BCL2L1: variants seen among roughly 807,000 people sequenced by gnomAD.
The protein encoded by BCL2L1 is bcl-2-like protein 1.
In BCL2L1, 1 loss-of-function variant was observed where a neutral mutation model predicts 18.7. The ratio of observed to expected loss-of-function variants is 0.05; its 90% CI spans 0.02 to 0.25. The LOEUF is 0.25. Ranked by LOEUF, BCL2L1 falls within the 10% of genes least tolerant of loss-of-function variation. BCL2L1 has a pLI of 1.00. For missense variants in BCL2L1, 207 were observed against 304.9 expected (o/e 0.68, Z 2.39); for synonymous variants, 103 against 122.7 (o/e 0.84, Z 1.06).
At chr20:31,668,906 C>T (rs1240100753) in intron 2 of BCL2L1, among the ~76,000 whole-genome samples, 4 of 151,796 alleles carry the variant, frequency 2.6e-5, no homozygotes, top group African/African-American at 9.7e-5. Context: ...TGCCCAGCCA[C>T]CATTTTTTTT....
rs1568844220 is a variant in BCL2L1, at chr20:31,666,040, C to T, written c.611G>A (p.Arg204Gln). 5 of 1,614,024 alleles carry T rather than the reference C, an allele frequency of 3.1e-6. No individual in the cohort carries two copies. Among genetic ancestry groups the T allele is most frequent in the South Asian group, 1.1e-5 (1 of 91,082 alleles). Residue 204 changes from arginine to glutamine, a missense_variant, in exon 3 of 3, where the codon CGA (arginine) becomes CAA (glutamine). Transcript: ENST00000307677. ...LYGNNAAAES[R>Q]KGQERFNRWF... is the part of the protein sequence containing the mutation. ...GCGGTTGAAGCGTTCCTGGCCCTTTCGGCTCTCGGCTGCTGCATTGTTCCC... is the reference window on the plus strand; with the variant it reads ...GCGGTTGAAGCGTTCCTGGCCCTTTTGGCTCTCGGCTGCTGCATTGTTCCC...
intron 2 of BCL2L1, among the ~76,000 whole-genome samples, chr20:31,676,499 G>A (rs1439640007): frequency 2.6e-5 from 4 of 152,048 alleles, no homozygotes; most frequent in Non-Finnish European, 5.9e-5. Context: ...CTGGGATTCC[G>A]ATGCCTCCCG....
intron 2 of BCL2L1, among the ~76,000 whole-genome samples, chr20:31,687,676 CAAA>C (rs60094670): frequency 9.8e-5 from 8 of 81,486 alleles, no homozygotes; most frequent in Admixed American, 1.4e-4. Flanking sequence ...GACTCTGTCT[CAAA>C]AAAAAAAAAA....
upstream of BCL2L1, chr20:31,723,607 A>C (rs1281008579): frequency 2.1e-5 from 21 of 985,312 alleles, no homozygotes; most frequent in East Asian, 1.6e-3. Flanking sequence ...TCCTGAGAGG[A>C]GGGGCCTCGC....
chr20:31,679,289 C>A (rs2060816670), intron 2 of BCL2L1, among the ~76,000 whole-genome samples: 1 of 152,204 alleles, frequency 6.6e-6, no homozygotes, highest in Admixed American at 6.5e-5. Context: ...AAGCAACTCA[C>A]TGTCCCACTT....
intron 2 of BCL2L1, among the ~76,000 whole-genome samples, chr20:31,718,684 T>C (rs1343108421): frequency 1.3e-5 from 2 of 150,754 alleles, no homozygotes; most frequent in African/African-American, 4.9e-5. Context: ...AAAAAATTAA[T>C]AAGCAGCTCA....
Position 31,722,179 on chromosome 20 carries a change from A to C in BCL2L1, c.40T>G (p.Ser14Ala). The change falls in exon 2 of 3, where the codon TCC becomes GCC. Residue 14 changes from serine to alanine, a missense_variant. By Grantham distance (99) the Ser-to-Ala change is moderately conservative. Transcript: ENST00000307677. Reference sequence around the variant, plus strand: ...TATCCTTTCTGGGAAAGCTTGTAGGAGAGAAAGTCAACCACCAGCTCCCGG... The same window carrying C: ...TATCCTTTCTGGGAAAGCTTGTAGGCGAGAAAGTCAACCACCAGCTCCCGG... ...SNRELVVDFL[S>A]YKLSQKGYSW... is the part of the protein sequence containing the mutation. 6.7e-7 allele frequency: 1 copy of C among 1,499,370 alleles called. No homozygotes were observed. Among genetic ancestry groups the C allele is most frequent in the Non-Finnish European group, 8.8e-7 (1 of 1,131,234 alleles). 92.9% of individuals were successfully genotyped at this position (1,499,370 alleles called of 1,614,324 possible).
At chr20:31,721,597 T>C (rs1009438528) in intron 2 of BCL2L1, 58 bp downstream of exon 2, 1 of 1,515,642 alleles carries the variant, frequency 6.6e-7, no homozygotes, top group Non-Finnish European at 8.9e-7. Flanking sequence ...AGAAGGGCTG[T>C]TGGGGATCTC....
rs113274390 is a variant in BCL2L1 at position 31,678,966 on chromosome 20, C to T, written c.565-12880G>A. Among the ~76,000 whole-genome samples, 274 of 152,290 alleles carry T rather than the reference C, an allele frequency of 1.8e-3. 3 individuals are homozygous for T. The highest frequency in any genetic ancestry group is 6.4e-3 in the African/African-American group (265 of 41,556). ...AAAAACTCAGGGCTGAAGGCACCCA[C>T]GGTGTTGCATTTCCTTCTATTCTGT... On this transcript the variant is annotated intron_variant, in intron 2 of 2. Coordinates refer to ENST00000307677, the MANE Select transcript of BCL2L1 (RefSeq NM_138578.3).
chr20:31,720,197 T>C (rs1014074484), intron 2 of BCL2L1: 27 of 973,638 alleles, frequency 2.8e-5, no homozygotes, highest in African/African-American at 3.5e-5. Flanking sequence ...ACAGACGAGT[T>C]GAAATTGCAA....
At chr20:31,694,004 CAACT>C (rs1347230918) in intron 2 of BCL2L1, among the ~76,000 whole-genome samples, 1 of 151,956 alleles carries the variant, frequency 6.6e-6, no homozygotes, top group Non-Finnish European at 1.5e-5. Context: ...AGAACTGTAA[CAACT>C]AACTCAACAT....
intron 2 of BCL2L1, among the ~76,000 whole-genome samples, chr20:31,689,272 GGAGGGCAGGGGAGGGGAGGGA>G (rs2061016261): frequency 2.9e-5 from 2 of 68,668 alleles, no homozygotes; most frequent in Non-Finnish European, 5.9e-5. Flanking sequence ...AAGGGGAGGG[GGAGGGCAGGGGAGGGGAGGGA>G]AGGAAGAAAG....
intron 2 of BCL2L1, among the ~76,000 whole-genome samples, chr20:31,675,601 C>A (rs1344677158): frequency 6.6e-6 from 1 of 152,136 alleles, no homozygotes; most frequent in Non-Finnish European, 1.5e-5. Flanking sequence ...TTTCTCCTCT[C>A]CCCCACGGAA....
intron 2 of BCL2L1, among the ~76,000 whole-genome samples, chr20:31,703,616 C>A (rs1221877459): frequency 2.0e-5 from 3 of 151,218 alleles, no homozygotes; most frequent in Admixed American, 1.3e-4. Context: ...CTCAGCCTCC[C>A]GAGTAGCTGA....
intron 2 of BCL2L1, among the ~76,000 whole-genome samples, chr20:31,682,858 C>T (rs1473873653): frequency 2.6e-5 from 4 of 152,204 alleles, no homozygotes; most frequent in African/African-American, 9.6e-5. Flanking sequence ...GCATCTTTCT[C>T]ATCCTTAAAT....
Position 31,722,838 on chromosome 20 carries a change from G to C in BCL2L1, c.-351C>G, listed in dbSNP as rs2061659360. 1 of 152,140 alleles carries C rather than the reference G, an allele frequency of 6.6e-6. No homozygotes were observed. Among genetic ancestry groups the C allele is most frequent in the Non-Finnish European group, 1.5e-5 (1 of 68,016 alleles). The allele number at this position is 152,140 out of a possible 1,614,324, so 9.4% of individuals were successfully genotyped here. ...GCGAAGCTCAGGAACCAGCCCCCTC[G>C]CTTGCTTCCTCCTCCATCGCCCGGA... On this transcript the variant is annotated 5_prime_UTR_variant, in exon 1 of 3. Coordinates refer to ENST00000307677, the MANE Select transcript of BCL2L1 (RefSeq NM_138578.3).
At chr20:31,698,606 A>G (rs1568881112) in intron 2 of BCL2L1, among the ~76,000 whole-genome samples, 1 of 151,664 alleles carries the variant, frequency 6.6e-6, no homozygotes, top group Non-Finnish European at 1.5e-5. Context: ...TGGTGTGAAC[A>G]TGGCTCACTG....
intron 2 of BCL2L1, among the ~76,000 whole-genome samples, chr20:31,668,166 C>A (rs2060614412): frequency 6.6e-6 from 1 of 152,048 alleles, no homozygotes; most frequent in Non-Finnish European, 1.5e-5. Context: ...GCACCTGACC[C>A]CAGGTCGTCG....
At chr20:31,700,803 A>G (rs1568883221) in intron 2 of BCL2L1, among the ~76,000 whole-genome samples, 1 of 152,238 alleles carries the variant, frequency 6.6e-6, no homozygotes, top group Non-Finnish European at 1.5e-5. Context: ...TCTTGAGAGC[A>G]GAACTGGGTT....
Sources: allele counts gnomAD v4.1 joint callset (sites outside exome capture counted in the v4.1 genomes callset), GRCh38; gene constraint gnomAD v4.1.1; transcripts MANE v1.5; gene names NCBI Gene and HGNC (gene_info 2026-07-23, HGNC 2026-07-21).